CSMD1: variants seen among roughly 807,000 people sequenced by gnomAD.
The protein encoded by CSMD1 is CUB and Sushi multiple domains 1.
CSMD1 carries 213 observed loss-of-function variants against 417.5 expected under a neutral mutation model. That is an observed-to-expected ratio of 0.51 (90% confidence interval 0.46 to 0.57). The LOEUF is 0.57. Ranked by LOEUF, CSMD1 falls within the 20% of genes least tolerant of loss-of-function variation. The probability of loss-of-function intolerance (pLI) is 0.00; values close to 1 mark genes in which losing one functional copy is unlikely to be tolerated. For missense variants in CSMD1, 6,923 were observed against 4,529.7 expected, an observed-to-expected ratio of 1.53 and a Z score of -15.17; for synonymous variants, 2,862 against 1,736.8, an observed-to-expected ratio of 1.65 and a Z score of -16.11.
chr8:3,350,265 A>G (rs1039101976), intron 21 of CSMD1, among the ~76,000 whole-genome samples: 1 of 138,966 alleles, frequency 7.2e-6, no homozygotes, highest in African/African-American at 2.5e-5. Context: ...TACCTATAAT[A>G]ACCTATAATA....
At chr8:4,214,693 A>G (rs1351469147) in intron 3 of CSMD1, among the ~76,000 whole-genome samples, 2 of 152,140 alleles carry the variant, frequency 1.3e-5, no homozygotes, top group East Asian at 3.9e-4. Context: ...GTGTGTGTGT[A>G]GCTAACGTGG....
rs557037857 is a variant in CSMD1 at position 4,341,401 on chromosome 8, G to C, written c.415+78552C>G. Among the ~76,000 whole-genome samples, 189 of 152,188 alleles carry C rather than the reference G, an allele frequency of 1.2e-3. 2 individuals are homozygous for C. The highest frequency in any genetic ancestry group is 4.4e-3 in the African/African-American group (184 of 41,556). The stretch of plus-strand genomic sequence containing the variant: ...ATAATTTAGTACTGAAGAAAGCCTT[G>C]AACTCAAAATGTAGAGGAAAATGTT... On this transcript the variant is annotated intron_variant, in intron 3 of 69. Transcript: ENST00000635120.
At chr8:3,994,898 T>A (rs1011686867) in intron 5 of CSMD1, among the ~76,000 whole-genome samples, 4 of 152,160 alleles carry the variant, frequency 2.6e-5, no homozygotes, top group South Asian at 2.1e-4. Context: ...TGCCCTTTTT[T>A]AAAAATAGAT....
chr8:3,885,531 A>G (rs149281149), intron 5 of CSMD1, among the ~76,000 whole-genome samples: 22 of 152,206 alleles, frequency 1.4e-4, no homozygotes, highest in Non-Finnish European at 3.1e-4. Flanking sequence ...GTCTCAGAAT[A>G]CTAGGGAAAA....
At chr8:4,472,076 C>G (rs1240316396) in intron 2 of CSMD1, among the ~76,000 whole-genome samples, 1 of 152,112 alleles carries the variant, frequency 6.6e-6, no homozygotes. Flanking sequence ...GAAACTTGTT[C>G]GACACAGTCA....
intron 3 of CSMD1, among the ~76,000 whole-genome samples, chr8:4,094,940 C>T (rs779461655): frequency 3.3e-5 from 5 of 152,056 alleles, no homozygotes; most frequent in African/African-American, 4.8e-5. Context: ...AGGTTTTGAA[C>T]TGGGAATGGG....
chr8:3,803,474 G>A (rs1186605442), intron 5 of CSMD1, among the ~76,000 whole-genome samples: 3 of 152,280 alleles, frequency 2.0e-5, no homozygotes, highest in East Asian at 3.9e-4. Context: ...AGTTATTACT[G>A]CTTCAGAGGC....
intron 29 of CSMD1, among the ~76,000 whole-genome samples, chr8:3,216,792 C>G (rs1797907386): frequency 6.6e-6 from 1 of 152,246 alleles, no homozygotes; most frequent in Non-Finnish European, 1.5e-5. Context: ...TGGATTGCCT[C>G]AGCCAGGATT....
intron 3 of CSMD1, among the ~76,000 whole-genome samples, chr8:4,273,672 G>A (rs149567458): frequency 6.6e-6 from 1 of 152,232 alleles, no homozygotes; most frequent in East Asian, 1.9e-4. Context: ...GTAGCAAATA[G>A]TTTATAACCT....
intron 3 of CSMD1, among the ~76,000 whole-genome samples, chr8:4,327,644 AAC>A (rs1799635325): frequency 6.6e-6 from 1 of 152,202 alleles, no homozygotes; most frequent in African/African-American, 2.4e-5. Context: ...AACAACAAAA[AAC>A]AACAAAAAGC....
At chr8:3,771,579 G>A (rs992103456) in intron 5 of CSMD1, among the ~76,000 whole-genome samples, 1 of 152,102 alleles carries the variant, frequency 6.6e-6, no homozygotes, top group Non-Finnish European at 1.5e-5. Context: ...GAGACCTGGA[G>A]AGCCTCAGGG....
In CSMD1 at chr8:4,467,158, C is replaced by T. The variant is rs879781723; in HGVS notation, c.303-47093G>A. On this transcript the variant is annotated intron_variant, in intron 2 of 69. Coordinates refer to ENST00000635120, the MANE Select transcript of CSMD1 (RefSeq NM_033225.6). ...AAAAAAAAGAAAAAAAAAGAAAAAA[C>T]AAATGTTGACAACTCGTTCTGTAAA... 2.2e-3 allele frequency among the ~76,000 whole-genome samples: 302 copies of T among 136,046 alleles called. 1 individual carries two copies. The highest frequency in any genetic ancestry group is 7.8e-3 in the Middle Eastern group (2 of 258). The allele number at this position is 136,046 out of a possible 152,430, so 89.3% of individuals were successfully genotyped here.
intron 3 of CSMD1, among the ~76,000 whole-genome samples, chr8:4,063,044 C>G (rs889946717): frequency 4.6e-5 from 7 of 152,040 alleles, no homozygotes; most frequent in African/African-American, 1.4e-4. Flanking sequence ...GAAACGTTGG[C>G]TAATAGGGAT....
rs141716252 is a variant in CSMD1 at position 3,965,247 on chromosome 8, C to T, written c.818+32656G>A. Reference sequence around the variant, plus strand: ...GAACAGAGACGGCAAATGCTTTCCACTCAGCCTTTGGTCTCCTCCCTTAAA... The same window carrying T: ...GAACAGAGACGGCAAATGCTTTCCATTCAGCCTTTGGTCTCCTCCCTTAAA... On this transcript the variant is annotated intron_variant, in intron 5 of 69. Coordinates refer to ENST00000635120, the MANE Select transcript of CSMD1 (RefSeq NM_033225.6). Among the ~76,000 whole-genome samples the T allele has an allele frequency of 3.3e-5, 5 of 152,328 alleles. No individual in the cohort carries two copies. The East Asian group carries it at 7.7e-4, about 23-fold the overall frequency.
intron 3 of CSMD1, among the ~76,000 whole-genome samples, chr8:4,315,562 G>A (rs114890193): frequency 3.9e-5 from 6 of 152,188 alleles, no homozygotes; most frequent in Admixed American, 2.6e-4. Flanking sequence ...CAGTGCTTAA[G>A]GAGAACCAAT....
At chr8:4,689,835 C>G (rs565599578) in intron 1 of CSMD1, among the ~76,000 whole-genome samples, 1 of 152,154 alleles carries the variant, frequency 6.6e-6, no homozygotes, top group South Asian at 2.1e-4. Context: ...CTTTCTGGTG[C>G]CTTTAATACT....
At chr8:4,417,474 T>C (rs1418394953) in intron 3 of CSMD1, among the ~76,000 whole-genome samples, 1 of 152,050 alleles carries the variant, frequency 6.6e-6, no homozygotes, top group Non-Finnish European at 1.5e-5. Flanking sequence ...TAAAATTTTA[T>C]GCAGCAGTCT....
At chr8:3,292,214 C>A (rs1184319536) in intron 25 of CSMD1, among the ~76,000 whole-genome samples, 2 of 151,980 alleles carry the variant, frequency 1.3e-5, no homozygotes, top group Non-Finnish European at 2.9e-5. Flanking sequence ...ATTTCTGTTC[C>A]TTTACATTTG....
At chr8:3,457,294 C>G (rs139491592) in intron 12 of CSMD1, among the ~76,000 whole-genome samples, 2 of 152,228 alleles carry the variant, frequency 1.3e-5, no homozygotes, top group Non-Finnish European at 2.9e-5. Flanking sequence ...CACCCCTCAT[C>G]CTACACTCCC....
Sources: allele counts gnomAD v4.1 joint callset (sites outside exome capture counted in the v4.1 genomes callset), GRCh38; gene constraint gnomAD v4.1.1; transcripts MANE v1.5; gene names NCBI Gene and HGNC (gene_info 2026-07-23, HGNC 2026-07-21).